Variants in UBE2E2 observed in about 807,000 individuals in gnomAD.
UBE2E2 encodes ubiquitin conjugating enzyme E2 E2, also known as ubiquitin-conjugating enzyme E2 E2.
A neutral mutation model predicts 24.7 loss-of-function variants in UBE2E2; 6 were observed. The observed-to-expected ratio is 0.24, with a 90% CI of 0.13 to 0.48. The LOEUF is 0.48. UBE2E2 is among the 20% of genes least tolerant of loss of function. The pLI is 0.99. For synonymous variants in UBE2E2, 104 were observed against 83.6 expected (o/e 1.24, Z -1.33); for missense variants, 169 against 245.0 (o/e 0.69, Z 2.07).
rs570808638 is a variant in UBE2E2 at position 23,376,544 on chromosome 3, A to T, written c.228-123064A>T. On this transcript the variant is annotated intron_variant, in intron 3 of 5. Coordinates refer to ENST00000396703, the MANE Select transcript of UBE2E2 (RefSeq NM_152653.4). ...AGCCGTCTTCTGTGGAAAATAGTCT[A>T]ATTAAAGATTGAGGTGTACCTTTTT... is the stretch of plus-strand genomic sequence containing the variant. Among the ~76,000 whole-genome samples, 14 of 152,298 alleles carry T rather than the reference A, an allele frequency of 9.2e-5. No individual in the cohort carries two copies. In the South Asian group the frequency reaches 2.5e-3, roughly 27 times the overall value.
chr3:23,360,598 G>A (rs1696087262), intron 3 of UBE2E2, among the ~76,000 whole-genome samples: 2 of 152,102 alleles, frequency 1.3e-5, no homozygotes, highest in South Asian at 4.1e-4. Context: ...ATCAGGACTA[G>A]CTTCAGGTTC....
rs1055904204 is a variant in UBE2E2 at position 23,554,916 on chromosome 3, C to CT, written c.508+22227dup. Reference sequence around the variant, plus strand: ...TATAATCCACTGGACCTGAATATACCTTTTTTTTTTTTCTTTTTGAGATGG... The same window carrying CT: ...TATAATCCACTGGACCTGAATATACCTTTTTTTTTTTTTCTTTTTGAGATGG... On this transcript the variant is annotated intron_variant, in intron 5 of 5. Coordinates refer to ENST00000396703, the MANE Select transcript of UBE2E2 (RefSeq NM_152653.4). Among the ~76,000 whole-genome samples the CT allele has an allele frequency of 3.0e-3, 439 of 146,192 alleles. 4 individuals are homozygous for CT. The highest frequency in any genetic ancestry group is 0.013 in the Admixed American group (188 of 14,598).
chr3:23,222,883 A>G (rs752857031), intron 3 of UBE2E2, among the ~76,000 whole-genome samples: 1 of 152,070 alleles, frequency 6.6e-6, no homozygotes, highest in Non-Finnish European at 1.5e-5. Flanking sequence ...AGCATCCGCT[A>G]TTGCCGTCTG....
At chr3:23,233,340 T>TC (rs1429877797) in intron 3 of UBE2E2, among the ~76,000 whole-genome samples, 1 of 152,202 alleles carries the variant, frequency 6.6e-6, no homozygotes, top group Non-Finnish European at 1.5e-5. Flanking sequence ...ATAGCACGGT[T>TC]CATAAATGAT....
At chr3:23,546,121 A>G (rs1409131942) in intron 5 of UBE2E2, among the ~76,000 whole-genome samples, 1 of 152,232 alleles carries the variant, frequency 6.6e-6, no homozygotes, top group Non-Finnish European at 1.5e-5. Context: ...TATCCATGTA[A>G]CCAGAAACCA....
chr3:23,447,010 C>G (rs888989635), intron 3 of UBE2E2, among the ~76,000 whole-genome samples: 1 of 152,154 alleles, frequency 6.6e-6, no homozygotes, highest in Non-Finnish European at 1.5e-5. Flanking sequence ...ATGCTGTTTC[C>G]TCTGCCTGAC....
chr3:23,395,773 C>G (rs1697059028), intron 3 of UBE2E2, among the ~76,000 whole-genome samples: 1 of 152,126 alleles, frequency 6.6e-6, no homozygotes, highest in South Asian at 2.1e-4. Context: ...TATAAGTGCT[C>G]TCTGTTCTGT....
At chr3:23,526,716 G>A (rs1695007318) in intron 4 of UBE2E2, among the ~76,000 whole-genome samples, 1 of 152,202 alleles carries the variant, frequency 6.6e-6, no homozygotes, top group African/African-American at 2.4e-5. Flanking sequence ...AGTTGTGGGA[G>A]TCTCTGACAT....
At chr3:23,452,344 C>CT (rs949770482) in intron 3 of UBE2E2, among the ~76,000 whole-genome samples, 12 of 149,610 alleles carry the variant, frequency 8.0e-5, no homozygotes, top group South Asian at 2.1e-4. Flanking sequence ...TATACAGAAT[C>CT]TTTTTTTTTT....
At chr3:23,331,024 G>A (rs1695045474) in intron 3 of UBE2E2, among the ~76,000 whole-genome samples, 2 of 151,952 alleles carry the variant, frequency 1.3e-5, no homozygotes, top group African/African-American at 4.8e-5. Context: ...ATGTTTGCAT[G>A]GAATATCTTT....
chr3:23,543,738 A>T (rs938635263), intron 5 of UBE2E2, among the ~76,000 whole-genome samples: 55 of 152,120 alleles, frequency 3.6e-4, no homozygotes, highest in African/African-American at 1.3e-3. Context: ...CATATGGAAC[A>T]AAAAAAGAGC....
intron 4 of UBE2E2, among the ~76,000 whole-genome samples, chr3:23,521,407 T>G (rs1427830856): frequency 1.3e-5 from 2 of 152,228 alleles, no homozygotes; most frequent in Non-Finnish European, 2.9e-5. Context: ...TTAATTGTTG[T>G]TATGTATGAG....
At chr3:23,340,711 G>A (rs1001224148) in intron 3 of UBE2E2, among the ~76,000 whole-genome samples, 1 of 152,190 alleles carries the variant, frequency 6.6e-6, no homozygotes, top group African/African-American at 2.4e-5. Flanking sequence ...GATGTAGCCT[G>A]TAAGTCAGTC....
chr3:23,402,312 T>C (rs1294761420), intron 3 of UBE2E2, among the ~76,000 whole-genome samples: 2 of 152,234 alleles, frequency 1.3e-5, no homozygotes, highest in Non-Finnish European at 2.9e-5. Flanking sequence ...GACAAGTTAT[T>C]ATCAAGTGAT....
intron 3 of UBE2E2, among the ~76,000 whole-genome samples, chr3:23,358,911 A>G (rs1332664282): frequency 6.6e-6 from 1 of 152,222 alleles, no homozygotes; most frequent in Non-Finnish European, 1.5e-5. Context: ...TAACATTCAC[A>G]TATATCCAGT....
chr3:23,352,774 G>A (rs1695796312), intron 3 of UBE2E2, among the ~76,000 whole-genome samples: 1 of 152,186 alleles, frequency 6.6e-6, no homozygotes. Context: ...TCCAGGACCA[G>A]ATGGATTCAC....
chr3:23,412,734 A>G (rs1460126690), intron 3 of UBE2E2, among the ~76,000 whole-genome samples: 1 of 152,128 alleles, frequency 6.6e-6, no homozygotes. Flanking sequence ...TTCTCAAGGT[A>G]TGGTTTAAGG....
At chr3:23,324,367 A>G (rs1345884252) in intron 3 of UBE2E2, among the ~76,000 whole-genome samples, 1 of 152,148 alleles carries the variant, frequency 6.6e-6, no homozygotes, top group African/African-American at 2.4e-5. Context: ...TATCCCAGAA[A>G]TGAATTTAAG....
intron 3 of UBE2E2, among the ~76,000 whole-genome samples, chr3:23,289,269 T>C (rs1333502752): frequency 2.0e-5 from 3 of 152,226 alleles, no homozygotes; most frequent in Non-Finnish European, 2.9e-5. Flanking sequence ...CTGATTATTG[T>C]TGAAGCTGAA....
Sources: gnomAD v4.1 joint callset for allele counts (sites outside exome capture counted in the v4.1 genomes callset) on GRCh38, gnomAD v4.1.1 for gene constraint, MANE v1.5 for transcripts, NCBI Gene and HGNC (gene_info 2026-07-23, HGNC 2026-07-21) for gene names.